Variants in FMN1 observed in about 807,000 individuals in gnomAD.
FMN1 encodes the protein formin-1.
Under a neutral mutation model 132.4 loss-of-function variants are expected in FMN1, and 110 were observed. The ratio of observed to expected loss-of-function variants is 0.83; its 90% confidence interval spans 0.71 to 0.97. The LOEUF (loss-of-function observed/expected upper bound fraction) is 0.97, where lower values mean the gene tolerates loss of function less well. Ranked by LOEUF, FMN1 falls within the 50% of genes least tolerant of loss-of-function variation. The pLI is 0.00. For synonymous variants in FMN1, 722 were observed against 651.7 expected, an observed-to-expected ratio of 1.11 and a Z score of -1.64; for missense variants, 1,792 against 1,705.3, an observed-to-expected ratio of 1.05 and a Z score of -0.90.
intron 5 of FMN1, among the ~76,000 whole-genome samples, chr15:33,087,471 G>A (rs1031092789): frequency 3.3e-5 from 5 of 152,112 alleles, no homozygotes; most frequent in African/African-American, 7.2e-5. Flanking sequence ...GCTTGAACCC[G>A]GGAGGCAGAG....
chr15:33,122,652 A>G (rs1962677161), intron 4 of FMN1, among the ~76,000 whole-genome samples: 1 of 152,178 alleles, frequency 6.6e-6, no homozygotes, highest in Non-Finnish European at 1.5e-5. Context: ...TGTGAGAGAG[A>G]AAACTTGGAG....
At chr15:32,973,664 C>G (rs1415679549) in intron 7 of FMN1, among the ~76,000 whole-genome samples, 1 of 151,294 alleles carries the variant, frequency 6.6e-6, no homozygotes, top group Admixed American at 6.6e-5. Flanking sequence ...GTGTTCATGA[C>G]CTCAGTGTGG....
At chr15:32,907,114 C>T (rs2060444963) in intron 12 of FMN1, among the ~76,000 whole-genome samples, 2 of 152,152 alleles carry the variant, frequency 1.3e-5, no homozygotes, top group African/African-American at 4.8e-5. Context: ...ACAATTTTTC[C>T]ACAGGCCAGG....
chr15:32,907,905 C>A (rs2060466043), intron 12 of FMN1, among the ~76,000 whole-genome samples: 2 of 152,048 alleles, frequency 1.3e-5, no homozygotes, highest in Admixed American at 6.5e-5. Flanking sequence ...CTCAGTTACA[C>A]CCCGGAGTTC....
In FMN1 at chr15:33,128,836, G is replaced by T. The variant is rs370906973; in HGVS notation, c.1867+24212C>A. ...AGCAAAATAACAAAGCCTCCGCAAT[G>T]CGGAAGACAACCGGAGCAGACTGCA... is the stretch of plus-strand genomic sequence containing the variant. On this transcript the variant is annotated intron_variant, in intron 4 of 20. Coordinates refer to ENST00000616417, the MANE Select transcript of FMN1 (RefSeq NM_001277313.2). 2.1e-3 allele frequency among the ~76,000 whole-genome samples: 319 copies of T among 151,388 alleles called. 3 individuals carry two copies. The highest frequency in any genetic ancestry group is 7.5e-3 in the African/African-American group (304 of 40,752).
At chr15:32,956,056 C>T (rs1243358387) in intron 9 of FMN1, among the ~76,000 whole-genome samples, 1 of 152,084 alleles carries the variant, frequency 6.6e-6, no homozygotes, top group Non-Finnish European at 1.5e-5. Context: ...GCCTCATGGT[C>T]CACAATAGAG....
intron 10 of FMN1, among the ~76,000 whole-genome samples, chr15:32,923,064 G>C (rs184579741): frequency 1.3e-5 from 2 of 152,120 alleles, no homozygotes; most frequent in Non-Finnish European, 2.9e-5. Flanking sequence ...TCAGCTTCTT[G>C]TGAGTTTGGA....
intron 9 of FMN1, among the ~76,000 whole-genome samples, chr15:32,941,294 T>C (rs1005274065): frequency 6.6e-6 from 1 of 152,190 alleles, no homozygotes; most frequent in Non-Finnish European, 1.5e-5. Context: ...ATTTTGCTTA[T>C]CCAATGTTAC....
At chr15:33,099,252 T>C (rs369556894) in intron 4 of FMN1, among the ~76,000 whole-genome samples, 10 of 152,188 alleles carry the variant, frequency 6.6e-5, no homozygotes, top group Non-Finnish European at 8.8e-5. Context: ...GATCGTGCCA[T>C]TGCACTTCAA....
intron 9 of FMN1, among the ~76,000 whole-genome samples, chr15:32,941,647 C>A (rs975284058): frequency 6.6e-6 from 1 of 152,124 alleles, no homozygotes; most frequent in Non-Finnish European, 1.5e-5. Flanking sequence ...TAATAATCCT[C>A]CAAGTCATTT....
chr15:32,981,152 A>G (rs1307212902), intron 7 of FMN1, among the ~76,000 whole-genome samples: 1 of 152,016 alleles, frequency 6.6e-6, no homozygotes, highest in East Asian at 1.9e-4. Flanking sequence ...TATTTTGTAA[A>G]ATGTGATTTT....
At chr15:32,953,728 C>G (rs1423538944) in intron 9 of FMN1, among the ~76,000 whole-genome samples, 4 of 152,266 alleles carry the variant, frequency 2.6e-5, no homozygotes, top group African/African-American at 9.6e-5. Context: ...GAGGGCCACC[C>G]CAGCACAACG....
At chr15:32,891,081 T>C (rs960616210) in intron 15 of FMN1, among the ~76,000 whole-genome samples, 9 of 152,354 alleles carry the variant, frequency 5.9e-5, no homozygotes, top group Non-Finnish European at 1.2e-4. Context: ...TTTTCTGTTC[T>C]GTTCCATTGG....
chr15:33,145,388 A>C (rs7174593), intron 4 of FMN1, among the ~76,000 whole-genome samples: 11,602 of 151,712 alleles, frequency 0.076, 1,257 homozygotes, highest in African/African-American at 0.24. Context: ...TAGCACCTCC[A>C]ATAGGGACAC....
chr15:32,842,787 C>CTTTT lies in FMN1; in HGVS notation c.3928+14224_3928+14227dup, dbSNP rs5811710. ...TGTCTTTGAGATGAGGGAACCTCAGCTTTTTTTTTTTTTTTTGAGGAAGTA... is the reference window on the plus strand; with the variant it reads ...TGTCTTTGAGATGAGGGAACCTCAGCTTTTTTTTTTTTTTTTTTTTGAGGAAGTA... On this transcript the variant is annotated intron_variant, in intron 17 of 20. Transcript: ENST00000616417. Among the ~76,000 whole-genome samples, 10 of 139,934 alleles carry CTTTT rather than the reference C, an allele frequency of 7.1e-5. 1 individual carries two copies. Among genetic ancestry groups the CTTTT allele is most frequent in the Admixed American group, 2.1e-4 (3 of 13,954 alleles). 91.8% of individuals were successfully genotyped at this position (139,934 alleles called of 152,430 possible).
chr15:32,927,546 A>G (rs1049036440), intron 9 of FMN1, among the ~76,000 whole-genome samples: 10 of 152,180 alleles, frequency 6.6e-5, no homozygotes, highest in Non-Finnish European at 1.0e-4. Flanking sequence ...GGTGTGAGCC[A>G]CCACACTTGG....
intron 5 of FMN1, among the ~76,000 whole-genome samples, chr15:33,065,866 T>C (rs760168451): frequency 7.2e-5 from 11 of 152,322 alleles, no homozygotes; most frequent in Admixed American, 2.0e-4. Context: ...ATCTATTAAT[T>C]AGATGCTTCC....
intron 15 of FMN1, among the ~76,000 whole-genome samples, chr15:32,897,502 A>G (rs1397817978): frequency 1.3e-5 from 2 of 152,248 alleles, no homozygotes; most frequent in Non-Finnish European, 2.9e-5. Context: ...GTGAGGGAGA[A>G]CATCAGAAGT....
At chr15:32,794,207 A>G (rs560893858) in intron 19 of FMN1, among the ~76,000 whole-genome samples, 10 of 152,358 alleles carry the variant, frequency 6.6e-5, no homozygotes, top group African/African-American at 2.4e-4. Flanking sequence ...AAAGAAAAAA[A>G]CAAGATAACT....
Sources: gnomAD v4.1 joint callset for allele counts (sites outside exome capture counted in the v4.1 genomes callset) on GRCh38, gnomAD v4.1.1 for gene constraint, MANE v1.5 for transcripts, NCBI Gene and HGNC (gene_info 2026-07-23, HGNC 2026-07-21) for gene names.